ARHGAP9: variants seen among roughly 807,000 people sequenced by gnomAD.
ARHGAP9 encodes the protein Rho GTPase activating protein 9, also known as rho GTPase-activating protein 9.
Under a neutral mutation model 87.3 loss-of-function variants are expected in ARHGAP9, and 76 were observed. The ratio of observed to expected loss-of-function variants is 0.87; its 90% CI spans 0.72 to 1.05. The LOEUF (loss-of-function observed/expected upper bound fraction) is 1.05, where lower values mean the gene tolerates loss of function less well. ARHGAP9 is among the 50% of genes least tolerant of loss of function. The probability of loss-of-function intolerance (pLI) is 0.00; values close to 1 mark genes in which losing one functional copy is unlikely to be tolerated. For synonymous variants in ARHGAP9, 382 were observed against 394.9 expected (o/e 0.97, Z 0.39); for missense variants, 941 against 960.5 (o/e 0.98, Z 0.27).
In ARHGAP9 at chr12:57,472,603, C is replaced by T; in HGVS notation, c.2110G>A (p.Glu704Lys). ...FGPTLFRPEQ[E>K]TSDPAAHALY... ...GCATGGGCTGCTGGGTCAGATGTCT[C>T]CTGCTCTGGCCGAAACAGGGTTGGT... Residue 704 changes from glutamate (E) to lysine (K), a missense_variant, in exon 18 of 18, where the codon GAG becomes AAG. Coordinates refer to ENST00000393791, the MANE Select transcript of ARHGAP9 (RefSeq NM_032496.4). 1.2e-6 allele frequency: 2 copies of T among 1,614,248 alleles called. No homozygotes were observed. Among genetic ancestry groups the T allele is most frequent in the Non-Finnish European group, 8.5e-7 (1 of 1,180,048 alleles).
At chr12:57,488,517 T>C in intron 1 of ARHGAP9, 2 of 1,492,566 alleles carry the variant, frequency 1.3e-6, no homozygotes, top group Non-Finnish European at 1.8e-6. Context: ...CTCTGCTCTT[T>C]AGTTACTAGC....
upstream of ARHGAP9, chr12:57,483,795 CT>C: frequency 2.4e-6 from 1 of 409,570 alleles, no homozygotes; most frequent in Non-Finnish European, 4.9e-6. Context: ...AACCCAACAC[CT>C]TGGGAGGCTG....
chr12:57,480,727 C>G (rs1594795604), upstream of ARHGAP9: 1 of 1,524,424 alleles, frequency 6.6e-7, no homozygotes, highest in Non-Finnish European at 8.9e-7. Context: ...GGGAAGTGAC[C>G]TTCCCTGGAT....
intron 1 of ARHGAP9, chr12:57,488,526 G>A: frequency 6.6e-7 from 1 of 1,515,210 alleles, no homozygotes. Context: ...TTAGTTACTA[G>A]CATGACAGCC....
rs755327762 is a variant in ARHGAP9, at chr12:57,477,149, A to G, written c.870+7T>C. 3.1e-6 allele frequency: 5 copies of G among 1,613,192 alleles called. No homozygotes were observed. Among genetic ancestry groups the G allele is most frequent in the Admixed American group, 3.3e-5 (2 of 59,970 alleles). Reference sequence around the variant, plus strand: ...TGCATGTGACTGGGAGATGGGAGGGATCTCACCTGTGGGTCAAGCGGTTCT... The same window carrying G: ...TGCATGTGACTGGGAGATGGGAGGGGTCTCACCTGTGGGTCAAGCGGTTCT... On this transcript the variant is annotated splice_region_variant and intron_variant, in intron 5 of 17. Transcript: ENST00000393791.
Position 57,475,485 on chromosome 12 carries a change from G to A in ARHGAP9, c.1442C>T (p.Ser481Phe), listed in dbSNP as rs1479409310. 2 of 1,599,222 alleles carry A rather than the reference G, an allele frequency of 1.3e-6. No homozygotes were observed. The highest frequency in any genetic ancestry group is 1.7e-6 in the Non-Finnish European group (2 of 1,174,048). ...TCCCTCCCCAGCCCGCGCCTCACTG[G>A]AGCTCCGGCGGCTGCTGAGGCGCAG... ...PLLRLSSRRS[S>F]IRGPEGTEQN... The change falls in exon 11 of 18, where the codon TCC (serine) becomes TTC (phenylalanine). Residue 481 changes from serine (S) to phenylalanine (F), a missense_variant and splice_region_variant. Transcript: ENST00000393791.
chr12:57,473,100 T>C (rs992721665), intron 17 of ARHGAP9, among the ~76,000 whole-genome samples: 8 of 152,170 alleles, frequency 5.3e-5, no homozygotes, highest in Admixed American at 5.2e-4. Flanking sequence ...TGGTTCCATT[T>C]CCCCACTTGA....
Position 57,473,724 on chromosome 12 carries a change from G to A in ARHGAP9, c.1919-16C>T. The stretch of plus-strand genomic sequence containing the variant: ...TCGGAGAGTGCTAGAGAGAGTGATG[G>A]GAAAGGCATGGTAGTAAGGTTAGGG... On this transcript the variant is annotated splice_polypyrimidine_tract_variant and intron_variant, in intron 16 of 17. Coordinates refer to ENST00000393791, the MANE Select transcript of ARHGAP9 (RefSeq NM_032496.4). The A allele has an allele frequency of 1.2e-6, 2 of 1,606,084 alleles. No homozygotes were observed. The highest frequency in any genetic ancestry group is 1.7e-6 in the Non-Finnish European group (2 of 1,172,724).
At position 57,475,368 on chromosome 12, in the gene ARHGAP9, C is replaced by A; in HGVS notation, c.1475G>T (p.Arg492Leu). 6.3e-7 allele frequency: 1 copy of A among 1,599,822 alleles called. No individual in the cohort carries two copies. The highest frequency in any genetic ancestry group is 1.3e-5 in the African/African-American group (1 of 74,896). ...IRGPEGTEQNRVRNKLKRLIA... is the reference protein window; with the variant it reads ...IRGPEGTEQNLVRNKLKRLIA... ...GAGCCGCTTTAGTTTGTTGCGCACG[C>A]GGTTCTGCTCGGTGCCTTCGGGCCC... is the stretch of plus-strand genomic sequence containing the variant. Residue 492 changes from arginine (R) to leucine (L), a missense_variant, in exon 12 of 18, where the codon CGC becomes CTC. Coordinates refer to ENST00000393791, the MANE Select transcript of ARHGAP9 (RefSeq NM_032496.4).
Position 57,477,248 on chromosome 12 carries a change from T to TCCC in ARHGAP9, c.775_777dup (p.Gly259dup). The TCCC allele has an allele frequency of 6.3e-7, 1 of 1,579,176 alleles. No individual in the cohort carries two copies. The highest frequency in any genetic ancestry group is 1.2e-5 in the South Asian group (1 of 85,580). On this transcript the variant is annotated inframe_insertion, in exon 5 of 18. Transcript: ENST00000393791. ...TCATTGTTCCTCTTCAGGGTCTGTG[T>TCCC]CCCCTCCATGGAGCCAGGGTTCTGG...
upstream of ARHGAP9, chr12:57,483,906 G>C (rs1432424020): frequency 1.5e-5 from 7 of 453,930 alleles, no homozygotes; most frequent in South Asian, 1.1e-4. Flanking sequence ...TGGGTGTGCT[G>C]GCCCAGCTAC....
upstream of ARHGAP9, chr12:57,479,952 G>T: frequency 7.1e-7 from 1 of 1,403,242 alleles, no homozygotes; most frequent in Non-Finnish European, 9.3e-7. Flanking sequence ...ATAGCTGCGT[G>T]CTTCCTGTGC....
At chr12:57,488,576 C>G in intron 1 of ARHGAP9, 1 of 1,550,872 alleles carries the variant, frequency 6.4e-7, no homozygotes, top group Non-Finnish European at 8.7e-7. Flanking sequence ...TCCCTCTCTC[C>G]CCTCCTAACA....
At chr12:57,484,525 G>T (rs1351849643), upstream of ARHGAP9, among the ~76,000 whole-genome samples, 2 of 152,130 alleles carry the variant, frequency 1.3e-5, no homozygotes, top group Non-Finnish European at 2.9e-5. Flanking sequence ...CATCCATTTT[G>T]TTGATAACTG....
chr12:57,484,040 CAAAAAAA>C (rs746542310), upstream of ARHGAP9: 50 of 40,704 alleles, frequency 1.2e-3, no homozygotes, highest in South Asian at 1.7e-3. Context: ...GACCCTGTCT[CAAAAAAA>C]AAAAAAAAAA....
rs1485664000 is a variant in ARHGAP9, at chr12:57,479,660, C to T, written c.-19+70G>A. 5 of 1,550,106 alleles carry T rather than the reference C, an allele frequency of 3.2e-6. No individual in the cohort carries two copies. In the African/African-American group the frequency reaches 6.9e-5, roughly 21 times the overall value. ...GTAACATGAGAGAGGATGTGGTCAG[C>T]AGGGCTGCATGGCCAGCAAGGCAGG... On this transcript the variant is annotated intron_variant, in intron 1 of 17. Transcript: ENST00000393791.
At position 57,478,569 on chromosome 12, in the gene ARHGAP9, C is replaced by T. The variant is rs1215772956; in HGVS notation, c.505G>A (p.Asp169Asn). ...CTGGCACTGGCTTCTGACGGCAAGT[C>T]TTCCTGGGAGAGGGATCTTCCGCTT... ...GPSGRSLSQE[D>N]LPSEASASTA... Residue 169 changes from aspartate (D) to asparagine (N), a missense_variant, in exon 3 of 18, where the codon GAC becomes AAC. Coordinates refer to ENST00000393791, the MANE Select transcript of ARHGAP9 (RefSeq NM_032496.4). 2 of 1,614,120 alleles carry T rather than the reference C, an allele frequency of 1.2e-6. No individual in the cohort carries two copies. Among genetic ancestry groups the T allele is most frequent in the South Asian group, 1.1e-5 (1 of 91,070 alleles).
Position 57,479,390 on chromosome 12 carries a change from C to A in ARHGAP9, c.17G>T (p.Trp6Leu). 1 of 1,613,324 alleles carries A rather than the reference C, an allele frequency of 6.2e-7. No homozygotes were observed. The highest frequency in any genetic ancestry group is 8.5e-7 in the Non-Finnish European group (1 of 1,179,808). The change falls in exon 2 of 18, where the codon TGG (tryptophan) becomes TTG (leucine). Residue 6 changes from tryptophan to leucine, a missense_variant. Coordinates refer to ENST00000393791, the MANE Select transcript of ARHGAP9 (RefSeq NM_032496.4). ...TAGGATCCCCCAGGAACTTGGCCACCACCGGCTGGATAGCATTGTAGCCAG... is the reference window on the plus strand; with the variant it reads ...TAGGATCCCCCAGGAACTTGGCCACAACCGGCTGGATAGCATTGTAGCCAG... Reference protein sequence around the residue: MLSSRWWPSSWGILGL... With the variant: MLSSRLWPSSWGILGL...
At position 57,473,631 on chromosome 12, in the gene ARHGAP9, G is replaced by T. The variant is rs367941405; in HGVS notation, c.1996C>A (p.Leu666Ile). Reference sequence around the variant, plus strand: ...CATAAATGCTCCAGGAGGTACCGTAGAGTGTCATGGTTGGGCTTTGGCATT... The same window carrying T: ...CATAAATGCTCCAGGAGGTACCGTATAGTGTCATGGTTGGGCTTTGGCATT... ...GSMPKPNHDT[L>I]RYLLEHLCRV... The change falls in exon 17 of 18, where the codon CTA becomes ATA. Residue 666 changes from leucine to isoleucine, a missense_variant. Transcript: ENST00000393791. 17 of 1,613,760 alleles carry T rather than the reference G, an allele frequency of 1.1e-5. 1 individual carries two copies. Among genetic ancestry groups the T allele is most frequent in the Non-Finnish European group, 1.4e-5 (17 of 1,179,808 alleles).
Sources: gnomAD v4.1 joint callset for allele counts (sites outside exome capture counted in the v4.1 genomes callset) on GRCh38, gnomAD v4.1.1 for gene constraint, MANE v1.5 for transcripts, NCBI Gene and HGNC (gene_info 2026-07-23, HGNC 2026-07-21) for gene names.